Variants in GRIP2 observed in about 807,000 individuals in gnomAD.
GRIP2 encodes the protein glutamate receptor-interacting protein 2.
In GRIP2, 58 loss-of-function variants were observed where a neutral mutation model predicts 108.3. The ratio of observed to expected loss-of-function variants is 0.54; its 90% confidence interval spans 0.43 to 0.67. GRIP2 has a LOEUF of 0.67. GRIP2 is among the 30% of genes least tolerant of loss of function. GRIP2 has a pLI of 0.00. For synonymous variants in GRIP2, 586 were observed against 598.2 expected, an observed-to-expected ratio of 0.98 and a Z score of 0.30; for missense variants, 1,278 against 1,430.6, an observed-to-expected ratio of 0.89 and a Z score of 1.72.
rs368281530 is a variant in GRIP2 at position 14,514,300 on chromosome 3, C to T, written c.1485G>A (p.Pro495=). 38 of 1,557,818 alleles carry T rather than the reference C, an allele frequency of 2.4e-5. No homozygotes were observed. The highest frequency in any genetic ancestry group is 1.9e-4 in the Admixed American group (10 of 51,586). The change falls in exon 12 of 24, where the codon CCG becomes CCA. Residue 495 remains proline (P), a synonymous_variant. Transcript: ENST00000621039. ...PLVCFIEPDS[P]AERCGLLQVG... ...GGGGGCAGGAGGCTCACCTCTCAGCCGGACTGTCAGGCTCGATGAAGCACA... is the reference window on the plus strand; with the variant it reads ...GGGGGCAGGAGGCTCACCTCTCAGCTGGACTGTCAGGCTCGATGAAGCACA...
chr3:14,571,015 C>G, the GRIP2 span, among the ~76,000 whole-genome samples: 4 of 152,162 alleles, frequency 2.6e-5, no homozygotes, highest in African/African-American at 9.7e-5. Flanking sequence ...TTGGCAGCAT[C>G]CCTGTCCCCT....
chr3:14,503,525 C>A (rs756939167), intron 21 of GRIP2, 41 bp downstream of exon 21: 4 of 1,440,520 alleles, frequency 2.8e-6, no homozygotes, highest in Non-Finnish European at 3.9e-6. Context: ...AGTGAACAGC[C>A]CCGGGTGCCC....
chr3:14,523,968 C>A, intron 4 of GRIP2: 1 of 527,360 alleles, frequency 1.9e-6, no homozygotes, highest in East Asian at 3.2e-5. Context: ...GGCTGGTAGG[C>A]TCAGGCCAGG....
chr3:14,599,683 C>CTGTGTGTGTGTGTGTGTG, the GRIP2 span, among the ~76,000 whole-genome samples: 2 of 105,018 alleles, frequency 1.9e-5, no homozygotes, highest in African/African-American at 6.6e-5. Context: ...CTCTCTCTCT[C>CTGTGTGTGTGTGTGTGTG]TCTGTGTGTG....
the GRIP2 span, among the ~76,000 whole-genome samples, chr3:14,588,653 T>C: frequency 6.6e-6 from 1 of 152,108 alleles, no homozygotes; most frequent in East Asian, 1.9e-4. Context: ...TGAGGCTCAG[T>C]TCCGTCAGCA....
the GRIP2 span, among the ~76,000 whole-genome samples, chr3:14,582,303 G>A: frequency 1.3e-5 from 2 of 152,182 alleles, no homozygotes; most frequent in African/African-American, 4.8e-5. Flanking sequence ...TTGGATCACT[G>A]CTCAAGTCAC....
rs1313699904 is a variant in GRIP2, at chr3:14,493,842, G to A, written c.2971-16C>T. On this transcript the variant is annotated splice_polypyrimidine_tract_variant and intron_variant, in intron 23 of 23. Coordinates refer to ENST00000621039, the MANE Select transcript of GRIP2 (RefSeq NM_001080423.4). ...CGTGGTTGACCTGCATGGGGCACAA[G>A]CAAGGGAACAGAACCGAGATGTCAG... 1 of 1,604,466 alleles carries A rather than the reference G, an allele frequency of 6.2e-7. No homozygotes were observed. The highest frequency in any genetic ancestry group is 1.7e-5 in the Admixed American group (1 of 59,632).
chr3:14,509,864 G>T lies in GRIP2; in HGVS notation c.2034C>A (p.Asp678Glu). The T allele has an allele frequency of 6.5e-7, 1 of 1,541,900 alleles. No homozygotes were observed. The highest frequency in any genetic ancestry group is 1.2e-5 in the South Asian group (1 of 81,324). ...ITISGTEEPF[D>E]PIVISGLTKR... ...TGGTGAGGCCTGAGATGACAATGGG[G>T]TCAAAAGGTTCCTCCGTGCCCGAAA... Residue 678 changes from aspartate to glutamate, a missense_variant, in exon 17 of 24, where the codon GAC becomes GAA. Asp to Glu is a conservative substitution (Grantham distance 45). Transcript: ENST00000621039.
chr3:14,573,343 T>C, the GRIP2 span: 3 of 1,378,894 alleles, frequency 2.2e-6, no homozygotes, highest in Non-Finnish European at 3.1e-6. Flanking sequence ...ATGATGGCTA[T>C]GTGGTGCCAC....
At chr3:14,529,640 G>A (rs1193779030) in intron 1 of GRIP2, among the ~76,000 whole-genome samples, 1 of 151,402 alleles carries the variant, frequency 6.6e-6, no homozygotes, top group East Asian at 1.9e-4. Context: ...TTTATATTTT[G>A]CTCTTCCTTT....
chr3:14,579,394 A>G, the GRIP2 span, among the ~76,000 whole-genome samples: 3 of 152,194 alleles, frequency 2.0e-5, no homozygotes, highest in African/African-American at 2.4e-5. Context: ...TTTACTGTAT[A>G]TACATTAGAC....
chr3:14,492,549 T>G lies in GRIP2; in HGVS notation c.*1116A>C, dbSNP rs912638920. ...AATAGACTTCTTTGAATAAGCACTT[T>G]GGACACCCTCCACTGGGCAAGAGTG... On this transcript the variant is annotated 3_prime_UTR_variant, in exon 24 of 24. Transcript: ENST00000621039. The G allele has an allele frequency of 1.3e-5, 2 of 152,248 alleles. No individual in the cohort carries two copies. Among genetic ancestry groups the G allele is most frequent in the Non-Finnish European group, 2.9e-5 (2 of 68,058 alleles). 9.4% of individuals were successfully genotyped at this position (152,248 alleles called of 1,614,324 possible).
chr3:14,533,174 C>T (rs369267145), intron 1 of GRIP2, among the ~76,000 whole-genome samples: 4 of 152,296 alleles, frequency 2.6e-5, no homozygotes, highest in Admixed American at 6.5e-5. Context: ...TTTCCTAATA[C>T]GCACTTCATT....
Position 14,520,128 on chromosome 3 carries a change from G to C in GRIP2, c.1012C>G (p.Leu338Val), listed in dbSNP as rs1694362987. Residue 338 changes from leucine (L) to valine (V), a missense_variant, in exon 9 of 24, where the codon CTG (leucine) becomes GTG (valine). Transcript: ENST00000621039. ...ILPVPQSQRP[L>V]RPSEAVKVQR... ...GACCCACCTGCCTCTGAGGGCCTCA[G>C]TGGCCGCTGACTCTGGGGCACAGGC... The C allele has an allele frequency of 8.1e-6, 13 of 1,604,612 alleles. No individual in the cohort carries two copies. The highest frequency in any genetic ancestry group is 1.1e-5 in the Non-Finnish European group (13 of 1,176,612).
rs144121075 is a variant in GRIP2, at chr3:14,551,959, C to G, written c.55+3941G>C. Among the ~76,000 whole-genome samples, 521 of 152,302 alleles carry G rather than the reference C, an allele frequency of 3.4e-3. 2 individuals carry two copies. Among genetic ancestry groups the G allele is most frequent in the Middle Eastern group, 0.024 (7 of 294 alleles). ...GGAAGTGCCTGGCACACAGCAAGTG[C>G]TCAATAAATGCTTGGGAAACAAAGA... On this transcript the variant is annotated intron_variant, in intron 1 of 23. Coordinates refer to the GRIP2 transcript ENST00000637182.
In GRIP2 at chr3:14,511,014, G is replaced by T. The variant is rs1694072181; in HGVS notation, c.1933+151C>A. The T allele has an allele frequency of 1.1e-6, 1 of 906,800 alleles. No individual in the cohort carries two copies. The highest frequency in any genetic ancestry group is 1.6e-6 in the Non-Finnish European group (1 of 607,944). The allele number at this position is 906,800 out of a possible 1,614,324, so 56.2% of individuals were successfully genotyped here. The stretch of plus-strand genomic sequence containing the variant: ...GGGACAGTGAGAAATCTGTGGTGTT[G>T]CCCCCTCCTTCATTTGTTCATTCCA... On this transcript the variant is annotated intron_variant, in intron 16 of 23. Coordinates refer to ENST00000621039, the MANE Select transcript of GRIP2 (RefSeq NM_001080423.4). This position sits in a 1 kb window ranked among gnomAD's most constrained non-coding sequence, Gnocchi z 4.1.
At position 14,521,647 on chromosome 3, in the gene GRIP2, G is replaced by A. The variant is rs770893833; in HGVS notation, c.707C>T (p.Thr236Ile). The A allele has an allele frequency of 6.2e-7, 1 of 1,608,428 alleles. No individual in the cohort carries two copies. Among genetic ancestry groups the A allele is most frequent in the Non-Finnish European group, 8.5e-7 (1 of 1,176,990 alleles). The change falls in exon 7 of 24, where the codon ACC becomes ATC. Residue 236 changes from threonine (T) to isoleucine (I), a missense_variant. Transcript: ENST00000621039. The surrounding 1 kb of genome is among the most constrained non-coding windows in gnomAD (Gnocchi z 5.1). ...ALFQVEYDVA[T>I]PDTVANASGP... ...CACTCAGGCCCCCAACTCACCAGGG[G>A]TGGCCACATCATACTCCACCTGAAA...
chr3:14,523,201 G>T, intron 5 of GRIP2, 126 bp from the exon 6 acceptor site: 1 of 715,412 alleles, frequency 1.4e-6, no homozygotes, highest in Non-Finnish European at 2.4e-6. Flanking sequence ...TGCTATCCAT[G>T]GACCCTCTTA....
rs1202060267 is a variant in GRIP2, at chr3:14,540,024, C to T, written c.40+245G>A. Reference sequence around the variant, plus strand: ...GCACTGCCCTCGGAACCTCCAGACCCGCCTGTTCTGCCTGCCTGTGCTGGA... The same window carrying T: ...GCACTGCCCTCGGAACCTCCAGACCTGCCTGTTCTGCCTGCCTGTGCTGGA... On this transcript the variant is annotated intron_variant, in intron 1 of 23. Transcript: ENST00000621039. This position sits in a 1 kb window ranked among gnomAD's most constrained non-coding sequence, Gnocchi z 4.1. Among the ~76,000 whole-genome samples, 2 of 152,122 alleles carry T rather than the reference C, an allele frequency of 1.3e-5. No individual in the cohort carries two copies. The highest frequency in any genetic ancestry group is 2.4e-5 in the African/African-American group (1 of 41,424).
Sources: allele counts gnomAD v4.1 joint callset (sites outside exome capture counted in the v4.1 genomes callset), GRCh38; gene constraint gnomAD v4.1.1; non-coding constraint Gnocchi (gnomAD v3.1); transcripts MANE v1.5; gene names NCBI Gene and HGNC (gene_info 2026-07-23, HGNC 2026-07-21).